APC: variants seen among roughly 807,000 people sequenced by gnomAD.
The protein encoded by APC is adenomatous polyposis coli protein.
APC carries 72 observed loss-of-function variants against 247.0 expected under a neutral mutation model. That is an observed-to-expected ratio of 0.29 (90% CI 0.24 to 0.35). The LOEUF is 0.35. Among genes scored for constraint, APC ranks in the 10% least tolerant of loss-of-function variants. The pLI, the probability that APC is intolerant of heterozygous loss-of-function variation, is 1.00. For missense variants in APC, 3,400 were observed against 3,360.7 expected, an observed-to-expected ratio of 1.01 and a Z score of -0.29; for synonymous variants, 1,254 against 1,162.5, an observed-to-expected ratio of 1.08 and a Z score of -1.60.
intron 8 of APC, among the ~76,000 whole-genome samples, chr5:112,812,485 C>CCA (rs1358792495): frequency 2.0e-5 from 3 of 152,102 alleles, no homozygotes; most frequent in Non-Finnish European, 1.5e-5. Context: ...CCCTTCCTCT[C>CCA]CACACACACA....
intron 1 of APC, among the ~76,000 whole-genome samples, chr5:112,723,477 A>G (rs968779198): frequency 7.2e-5 from 11 of 152,060 alleles, no homozygotes; most frequent in African/African-American, 2.7e-4. Flanking sequence ...AAAAAAGAAA[A>G]AGATCCAGGA....
intron 14 of APC, among the ~76,000 whole-genome samples, chr5:112,832,929 C>T (rs1325315914): frequency 6.6e-6 from 1 of 152,048 alleles, no homozygotes; most frequent in African/African-American, 2.4e-5. Flanking sequence ...CCTCTCATTG[C>T]AATAGGCACA....
At chr5:112,752,464 A>G (rs892828231) in intron 1 of APC, among the ~76,000 whole-genome samples, 26 of 152,128 alleles carry the variant, frequency 1.7e-4, no homozygotes, top group African/African-American at 5.3e-4. Context: ...CCCCTACCCC[A>G]CACTTACAAG....
chr5:112,798,435 C>G (rs2149702787), intron 7 of APC, among the ~76,000 whole-genome samples: 1 of 152,144 alleles, frequency 6.6e-6, no homozygotes, highest in East Asian at 1.9e-4. Context: ...AAATGGACAG[C>G]AGGAATTTTA....
rs746211944 is a variant in APC, at chr5:112,792,544, T to C, written c.729+15T>C. 3.1e-6 allele frequency: 5 copies of C among 1,600,988 alleles called. No homozygotes were observed. The African/African-American group carries it at 4.0e-5, about 13-fold the overall frequency. ...CAGAAGCAGAGGTTAGTAAATTGCC[T>C]TTCTTGTTTGTGGGTATAAAAATAG... On this transcript the variant is annotated intron_variant, in intron 7 of 15. Transcript: ENST00000257430.
chr5:112,844,028 A>G lies in APC; in HGVS notation c.8434A>G (p.Asn2812Asp), dbSNP rs786203301. Residue 2812 changes from asparagine (N) to aspartate (D), a missense_variant, in exon 16 of 16, where the codon AAC becomes GAC. Transcript: ENST00000257430. Reference sequence around the variant, plus strand: ...TCAGATCCCAACTCCAGTGAATAACAACACAAAGAAGCGAGATTCCAAAAC... The same window carrying G: ...TCAGATCCCAACTCCAGTGAATAACGACACAAAGAAGCGAGATTCCAAAAC... ...PSQIPTPVNN[N>D]TKKRDSKTDS... is the part of the protein sequence containing the mutation. The G allele has an allele frequency of 2.5e-6, 4 of 1,602,494 alleles. No individual in the cohort carries two copies. The Admixed American group carries it at 5.3e-5, about 21-fold the overall frequency.
chr5:112,806,277 T>C (rs1761369687), intron 8 of APC, among the ~76,000 whole-genome samples: 1 of 152,194 alleles, frequency 6.6e-6, no homozygotes, highest in African/African-American at 2.4e-5. Flanking sequence ...TTGATTAATA[T>C]TTGTGTTTCC....
intron 6 of APC, among the ~76,000 whole-genome samples, chr5:112,790,360 C>T (rs1240637213): frequency 6.6e-6 from 1 of 152,026 alleles, no homozygotes; most frequent in Non-Finnish European, 1.5e-5. Flanking sequence ...CGGAGTCTCA[C>T]TCTCGCCCAG....
At position 112,842,214 on chromosome 5, in the gene APC, C is replaced by T. The variant is rs758337476; in HGVS notation, c.6620C>T (p.Ser2207Leu). 4 of 1,613,622 alleles carry T rather than the reference C, an allele frequency of 2.5e-6. No homozygotes were observed. Among genetic ancestry groups the T allele is most frequent in the East Asian group, 2.2e-5 (1 of 44,880 alleles). The change falls in exon 16 of 16, where the codon TCA becomes TTA. Residue 2207 changes from serine to leucine, a missense_variant. This residue lies in a region of APC where 1,788 missense variants were observed against 1,649.5 expected (regional missense o/e 1.08). Transcript: ENST00000257430. ...SLITGKVRSN[S>L]EISGQMKQPL... ...ATTACTGGAAAAGTTCGATCTAATT[C>T]AGAAATTTCAGGCCAAATGAAACAG...
Position 112,803,093 on chromosome 5 carries a change from TG to T in APC, c.834+1717del, listed in dbSNP as rs1015116784. ...AAATTAAAACTAAAGTCAGATTTCG[TG>T]GGGGGGCCATTTAGTTGGCAAAAAT... On this transcript the variant is annotated intron_variant, in intron 8 of 15. Transcript: ENST00000257430. Among the ~76,000 whole-genome samples the T allele has an allele frequency of 9.2e-5, 14 of 152,090 alleles. No homozygotes were observed. In the East Asian group the frequency reaches 2.7e-3, roughly 29 times the overall value.
chr5:112,818,843 T>TC, intron 9 of APC, 123 bp from the exon 10 acceptor site: 1 of 910,658 alleles, frequency 1.1e-6, no homozygotes. Context: ...TGTTTTTTTT[T>TC]TGGCGGGGGG....
At chr5:112,780,710 T>C in intron 5 of APC, 80 bp from the exon 6 acceptor site, 1 of 966,814 alleles carries the variant, frequency 1.0e-6, no homozygotes, top group Non-Finnish European at 1.6e-6. Context: ...TTTTCTTTAT[T>C]GGTTCTTATA....
chr5:112,804,334 T>C (rs1761140686), intron 8 of APC, among the ~76,000 whole-genome samples: 1 of 152,216 alleles, frequency 6.6e-6, no homozygotes, highest in South Asian at 2.1e-4. Context: ...AATATGTACC[T>C]GGCAGAGAGC....
intron 8 of APC, among the ~76,000 whole-genome samples, chr5:112,807,744 C>T (rs1051726373): frequency 1.5e-4 from 22 of 151,554 alleles, no homozygotes; most frequent in African/African-American, 4.1e-4. Flanking sequence ...TGATTCATAT[C>T]GACATGTAAC....
intron 1 of APC, among the ~76,000 whole-genome samples, chr5:112,721,357 T>G (rs1161738835): frequency 2.6e-5 from 4 of 152,112 alleles, no homozygotes; most frequent in African/African-American, 9.7e-5. Context: ...GAGATTGTAG[T>G]GAGCAGAGAT....
chr5:112,715,069 G>A (rs558885251), intron 1 of APC, among the ~76,000 whole-genome samples: 7 of 152,310 alleles, frequency 4.6e-5, no homozygotes, highest in African/African-American at 1.7e-4. Flanking sequence ...TATGTACATT[G>A]TACTCCTACC....
At chr5:112,818,737 C>T (rs1443019768) in intron 9 of APC, among the ~76,000 whole-genome samples, 1 of 151,570 alleles carries the variant, frequency 6.6e-6, no homozygotes, top group Non-Finnish European at 1.5e-5. Flanking sequence ...TGTATATTAC[C>T]ACTCATACTA....
intron 4 of APC, among the ~76,000 whole-genome samples, chr5:112,770,011 G>A (rs956526790): frequency 3.3e-5 from 5 of 152,092 alleles, no homozygotes; most frequent in African/African-American, 9.7e-5. Flanking sequence ...CTATTAAGAG[G>A]CAGAGGGCAT....
At chr5:112,742,405 G>C (rs1753144535) in intron 1 of APC, among the ~76,000 whole-genome samples, 1 of 152,128 alleles carries the variant, frequency 6.6e-6, no homozygotes, top group Admixed American at 6.5e-5. Context: ...AAACTTAGTG[G>C]CTTAAACAGT....
Sources: allele counts gnomAD v4.1 joint callset (sites outside exome capture counted in the v4.1 genomes callset), GRCh38; gene constraint gnomAD v4.1.1; regional missense constraint gnomAD v4.1.1; transcripts MANE v1.5; gene names NCBI Gene and HGNC (gene_info 2026-07-23, HGNC 2026-07-21).